Variants in PDGFD observed in about 807,000 individuals in gnomAD.
PDGFD encodes the protein platelet-derived growth factor D.
Under a neutral mutation model 44.7 loss-of-function variants are expected in PDGFD, and 30 were observed. The observed-to-expected ratio is 0.67, with a 90% CI of 0.50 to 0.91. The LOEUF is 0.91. Ranked by LOEUF, PDGFD falls within the 40% of genes least tolerant of loss-of-function variation. The pLI is 0.00. For synonymous variants in PDGFD, 173 were observed against 168.4 expected (o/e 1.03, Z -0.21); for missense variants, 445 against 457.8 (o/e 0.97, Z 0.25).
chr11:103,938,673 A>G (rs1474172941), intron 5 of PDGFD, among the ~76,000 whole-genome samples: 4 of 151,908 alleles, frequency 2.6e-5, no homozygotes, highest in Non-Finnish European at 5.9e-5. Context: ...TCTTCTAGGG[A>G]TTTTATGGTT....
At chr11:104,083,508 A>G (rs11226150) in intron 1 of PDGFD, among the ~76,000 whole-genome samples, 35,495 of 152,150 alleles carry the variant, frequency 0.23, 5,071 homozygotes, top group East Asian at 0.34. Context: ...TAGTATCACT[A>G]GATTTCTTCA....
intron 1 of PDGFD, among the ~76,000 whole-genome samples, chr11:104,078,457 C>G (rs1217582889): frequency 7.6e-6 from 1 of 131,058 alleles, no homozygotes; most frequent in African/African-American, 3.2e-5. Context: ...CCCCTACTTC[C>G]TCTTTCTTAC....
rs184446737 is a variant in PDGFD, at chr11:103,985,243, C to G, written c.510+10822G>C. On this transcript the variant is annotated intron_variant, in intron 3 of 6. Transcript: ENST00000393158. ...TTGAGACAAGGTCTTGCCTTATCACCAAGGCTGCAGTCCAGTGGTGAAATC... is the reference window on the plus strand; with the variant it reads ...TTGAGACAAGGTCTTGCCTTATCACGAAGGCTGCAGTCCAGTGGTGAAATC... Among the ~76,000 whole-genome samples, 476 of 147,612 alleles carry G rather than the reference C, an allele frequency of 3.2e-3. 14 individuals carry two copies. The highest frequency in any genetic ancestry group is 0.012 in the African/African-American group (462 of 39,460).
At chr11:104,097,571 G>T (rs547844396) in intron 1 of PDGFD, among the ~76,000 whole-genome samples, 1 of 152,226 alleles carries the variant, frequency 6.6e-6, no homozygotes, top group Non-Finnish European at 1.5e-5. Flanking sequence ...CCCTCAAATG[G>T]TTCCCAGATG....
chr11:104,022,816 T>TACACACACATAGAC (rs1460977064), intron 1 of PDGFD, among the ~76,000 whole-genome samples: 2 of 152,184 alleles, frequency 1.3e-5, no homozygotes, highest in East Asian at 3.9e-4. Flanking sequence ...TATATGTATA[T>TACACACACATAGAC]ACACACACAT....
chr11:104,110,171 T>C (rs1861532220), intron 1 of PDGFD, among the ~76,000 whole-genome samples: 1 of 152,192 alleles, frequency 6.6e-6, no homozygotes, highest in Non-Finnish European at 1.5e-5. Context: ...TGAGATTTGG[T>C]AACCTCTGAG....
chr11:104,118,711 ATAT>A (rs1272038792), intron 1 of PDGFD, among the ~76,000 whole-genome samples: 41 of 85,076 alleles, frequency 4.8e-4, no homozygotes, highest in Admixed American at 8.7e-4. Flanking sequence ...CTTAATTTAT[ATAT>A]TATTATGTTA....
At chr11:104,103,276 C>T (rs1861422300) in intron 1 of PDGFD, among the ~76,000 whole-genome samples, 2 of 151,688 alleles carry the variant, frequency 1.3e-5, no homozygotes, top group Non-Finnish European at 2.9e-5. Context: ...TAAATGTTAC[C>T]TTTTTATTTT....
rs139577068 is a variant in PDGFD at position 104,078,251 on chromosome 11, C to T, written c.125-77996G>A. On this transcript the variant is annotated intron_variant, in intron 1 of 6. Transcript: ENST00000393158. ...CTCCATTAAATGCATGTCACATGTG[C>T]ACCATACAACAGCGGCATTAACTCA... 7.9e-5 allele frequency among the ~76,000 whole-genome samples: 12 copies of T among 152,258 alleles called. No individual in the cohort carries two copies. In the East Asian group the frequency reaches 1.9e-3, roughly 24 times the overall value.
chr11:104,160,733 C>T (rs1862375989), intron 1 of PDGFD, among the ~76,000 whole-genome samples: 1 of 152,118 alleles, frequency 6.6e-6, no homozygotes, highest in Non-Finnish European at 1.5e-5. Context: ...AACTACCCTC[C>T]TTCATTGGGC....
chr11:103,933,093 C>T (rs1858430804), intron 5 of PDGFD, among the ~76,000 whole-genome samples: 1 of 152,146 alleles, frequency 6.6e-6, no homozygotes, highest in Non-Finnish European at 1.5e-5. Context: ...AGGAACATTG[C>T]CTTTGTCAAA....
chr11:104,144,507 C>CAAA lies in PDGFD; in HGVS notation c.124+19294_124+19296dup, dbSNP rs201864924. Among the ~76,000 whole-genome samples, 42 of 73,796 alleles carry CAAA rather than the reference C, an allele frequency of 5.7e-4. 2 individuals are homozygous for CAAA. The highest frequency in any genetic ancestry group is 1.8e-3 in the East Asian group (5 of 2,844). 48.4% of individuals were successfully genotyped at this position (73,796 alleles called of 152,430 possible). A position where few individuals can be genotyped will look rare whatever the true frequency, so the allele number is the denominator to read the frequency against. ...GGCAATAAGAGCAAAACTCCGTCAC[C>CAAA]AAAAAAAAAAAAAAAAAAAAACCCA... On this transcript the variant is annotated intron_variant, in intron 1 of 6. Transcript: ENST00000393158.
At chr11:104,021,275 T>C (rs953671904) in intron 1 of PDGFD, among the ~76,000 whole-genome samples, 7 of 152,162 alleles carry the variant, frequency 4.6e-5, no homozygotes, top group African/African-American at 1.4e-4. Flanking sequence ...CAGCATTGTT[T>C]TGAGAGAGAA....
At chr11:103,923,273 AAAC>A (rs1858252370) in intron 6 of PDGFD, among the ~76,000 whole-genome samples, 1 of 152,222 alleles carries the variant, frequency 6.6e-6, no homozygotes, top group African/African-American at 2.4e-5. Context: ...GGGTACCTAC[AAAC>A]TTTTGAGAGC....
At chr11:104,122,909 A>T (rs1303786837) in intron 1 of PDGFD, among the ~76,000 whole-genome samples, 1 of 151,988 alleles carries the variant, frequency 6.6e-6, no homozygotes, top group Non-Finnish European at 1.5e-5. Flanking sequence ...GAAAAAAAAA[A>T]TTACTAGGTC....
At chr11:104,115,142 C>T (rs1204453693) in intron 1 of PDGFD, among the ~76,000 whole-genome samples, 1 of 151,620 alleles carries the variant, frequency 6.6e-6, no homozygotes, top group Non-Finnish European at 1.5e-5. Context: ...TGATTACATA[C>T]AATGTTTGCT....
rs1352444818 is a variant in PDGFD, at chr11:103,963,454, T to C, written c.511-15730A>G. The stretch of plus-strand genomic sequence containing the variant: ...TGTGTAATTTCTTCTCGAGTTTTTT[T>C]CCCTGGGGAAAAAGGAAATGGCAAA... On this transcript the variant is annotated intron_variant, in intron 3 of 6. Transcript: ENST00000393158. Among the ~76,000 whole-genome samples the C allele has an allele frequency of 2.6e-5, 4 of 152,282 alleles. No homozygotes were observed. In the East Asian group the frequency reaches 7.7e-4, roughly 29 times the overall value.
chr11:104,156,888 T>C (rs986819980), intron 1 of PDGFD, among the ~76,000 whole-genome samples: 2 of 152,242 alleles, frequency 1.3e-5, no homozygotes, highest in African/African-American at 4.8e-5. Context: ...TCTGAAATAC[T>C]GTATGAGGAG....
chr11:104,004,533 G>A (rs1206636145), intron 1 of PDGFD, among the ~76,000 whole-genome samples: 3 of 151,998 alleles, frequency 2.0e-5, no homozygotes, highest in Non-Finnish European at 2.9e-5. Flanking sequence ...AAGGGGTTCT[G>A]GAATCAATAC....
Sources: allele counts gnomAD v4.1 joint callset (sites outside exome capture counted in the v4.1 genomes callset), GRCh38; gene constraint gnomAD v4.1.1; transcripts MANE v1.5; gene names NCBI Gene and HGNC (gene_info 2026-07-23, HGNC 2026-07-21).